EEF1AKMT2: variants seen among roughly 807,000 people sequenced by gnomAD.
The protein encoded by EEF1AKMT2 is EEF1A lysine methyltransferase 2.
Under a neutral mutation model 35.8 loss-of-function variants are expected in EEF1AKMT2, and 32 were observed. The observed-to-expected ratio is 0.89, with a 90% confidence interval of 0.67 to 1.20. The LOEUF (loss-of-function observed/expected upper bound fraction) is 1.20. Among genes scored for constraint, EEF1AKMT2 ranks in the 50% most tolerant of loss-of-function variants. The probability of loss-of-function intolerance (pLI) is 0.00; values close to 1 mark genes in which losing one functional copy is unlikely to be tolerated. For synonymous variants in EEF1AKMT2, 121 were observed against 133.7 expected, an observed-to-expected ratio of 0.91 and a Z score of 0.65; for missense variants, 330 against 347.5, an observed-to-expected ratio of 0.95 and a Z score of 0.40.
Position 124,791,718 on chromosome 10 carries a change from A to G in EEF1AKMT2, c.110+6T>C, listed in dbSNP as rs377726832. 6.3e-7 allele frequency: 1 copy of G among 1,578,154 alleles called. No individual in the cohort carries two copies. Among genetic ancestry groups the G allele is most frequent in the Non-Finnish European group, 8.6e-7 (1 of 1,166,844 alleles). On this transcript the variant is annotated splice_donor_region_variant and intron_variant, in intron 1 of 6. Coordinates refer to ENST00000368836, the MANE Select transcript of EEF1AKMT2 (RefSeq NM_212554.4). ...CTCATCCTCCCCTGCCCAGCGTCAC[A>G]CTCACTGCTCGCGGGTCCCCAGCGC...
intron 4 of EEF1AKMT2, among the ~76,000 whole-genome samples, chr10:124,766,677 G>A (rs1950381001): frequency 6.6e-6 from 1 of 152,150 alleles, no homozygotes; most frequent in South Asian, 2.1e-4. Context: ...TATATTGGAA[G>A]GTGGGTCTTC....
intron 4 of EEF1AKMT2, among the ~76,000 whole-genome samples, chr10:124,773,407 C>CTT (rs1276625373): frequency 6.6e-6 from 1 of 151,946 alleles, no homozygotes; most frequent in African/African-American, 2.4e-5. Flanking sequence ...ATTTTTTGTA[C>CTT]TTTTGGTGGA....
Position 124,783,433 on chromosome 10 carries a change from T to C in EEF1AKMT2, c.291+5610A>G, listed in dbSNP as rs550327104. Among the ~76,000 whole-genome samples, 50 of 152,246 alleles carry C rather than the reference T, an allele frequency of 3.3e-4. No homozygotes were observed. The South Asian group carries it at 9.7e-3, about 30-fold the overall frequency. On this transcript the variant is annotated intron_variant, in intron 3 of 6. Coordinates refer to ENST00000368836, the MANE Select transcript of EEF1AKMT2 (RefSeq NM_212554.4). ...TGCTAGGATTGCCGGCATAAGCCAC[T>C]GTGCCCAGCCAAGAATATGGAGAAA...
intron 5 of EEF1AKMT2, 29 bp from the exon 6 acceptor site, chr10:124,762,587 T>A (rs1481716740): frequency 9.2e-7 from 1 of 1,082,178 alleles, no homozygotes; most frequent in Non-Finnish European, 1.1e-6. Context: ...GACAGACCGT[T>A]TCAAAAACAG....
chr10:124,782,887 C>T lies in EEF1AKMT2; in HGVS notation c.291+6156G>A, dbSNP rs181127777. The T allele has an allele frequency of 3.0e-3, 994 of 330,946 alleles. 4 individuals are homozygous for T. The highest frequency in any genetic ancestry group is 5.2e-3 in the Non-Finnish European group (856 of 165,916). The allele number at this position is 330,946 out of a possible 1,614,324, so 20.5% of individuals were successfully genotyped here. On this transcript the variant is annotated intron_variant, in intron 3 of 6. Coordinates refer to ENST00000368836, the MANE Select transcript of EEF1AKMT2 (RefSeq NM_212554.4). ...CTAAATCCAAACGTATCAATAATCA[C>T]ATTGAACATAAATGTTCTAAATACA...
chr10:124,761,623 G>T (rs1158369370), intron 6 of EEF1AKMT2, among the ~76,000 whole-genome samples: 2 of 152,166 alleles, frequency 1.3e-5, no homozygotes, highest in Non-Finnish European at 2.9e-5. Flanking sequence ...CCTAGGTGAA[G>T]TCTCAGCTTC....
intron 4 of EEF1AKMT2, among the ~76,000 whole-genome samples, chr10:124,767,065 G>A (rs1165977243): frequency 6.6e-6 from 1 of 150,840 alleles, no homozygotes; most frequent in Admixed American, 6.6e-5. Context: ...GCAGGCTGAG[G>A]CAGGAGAATG....
rs1950315497 is a variant in EEF1AKMT2 at position 124,759,866 on chromosome 10, C to T, written c.*637G>A. The T allele has an allele frequency of 2.0e-5, 3 of 152,306 alleles. No homozygotes were observed. The highest frequency in any genetic ancestry group is 1.3e-4 in the Admixed American group (2 of 15,276). The allele number at this position is 152,306 out of a possible 1,614,324, so 9.4% of individuals were successfully genotyped here. A position where few individuals can be genotyped will look rare whatever the true frequency, so the allele number is the denominator to read the frequency against. On this transcript the variant is annotated 3_prime_UTR_variant, in exon 7 of 7. Coordinates refer to ENST00000368836, the MANE Select transcript of EEF1AKMT2 (RefSeq NM_212554.4). ...TAACTTGAGCAACTGATACATTTCT[C>T]TGATTTTGTTTAATTATATACATAA... is the stretch of plus-strand genomic sequence containing the variant.
rs767435732 is a variant in EEF1AKMT2 at position 124,791,760 on chromosome 10, T to C, written c.74A>G (p.Asp25Gly). The change falls in exon 1 of 7, where the codon GAC (aspartate) becomes GGC (glycine). Residue 25 changes from aspartate (D) to glycine (G), a missense_variant. Asp to Gly is a moderately conservative substitution (Grantham distance 94). Transcript: ENST00000368836. ...ARSDKGSPGEDGFVPSALGTR... is the reference protein window; with the variant it reads ...ARSDKGSPGEGGFVPSALGTR... ...CCCCAGCGCCGACGGGACGAAACCG[T>C]CCTCCCCGGGACTGCCCTTGTCCGA... 5.6e-6 allele frequency: 9 copies of C among 1,594,944 alleles called. No homozygotes were observed. The highest frequency in any genetic ancestry group is 7.7e-6 in the Non-Finnish European group (9 of 1,174,988).
In EEF1AKMT2 at chr10:124,787,213, G is replaced by A. The variant is rs1438021588; in HGVS notation, c.291+1830C>T. On this transcript the variant is annotated intron_variant, in intron 3 of 6. Coordinates refer to ENST00000368836, the MANE Select transcript of EEF1AKMT2 (RefSeq NM_212554.4). Reference sequence around the variant, plus strand: ...TCCACCTGCCTTGGCCTCCCAAAGCGCTGGGATTACAGGCATGAGCCACAG... The same window carrying A: ...TCCACCTGCCTTGGCCTCCCAAAGCACTGGGATTACAGGCATGAGCCACAG... Among the ~76,000 whole-genome samples, 8 of 152,116 alleles carry A rather than the reference G, an allele frequency of 5.3e-5. No individual in the cohort carries two copies. In the South Asian group the frequency reaches 1.0e-3, roughly 20 times the overall value.
intron 3 of EEF1AKMT2, among the ~76,000 whole-genome samples, chr10:124,788,095 C>T (rs1006750066): frequency 2.6e-5 from 4 of 152,146 alleles, no homozygotes; most frequent in Non-Finnish European, 5.9e-5. Flanking sequence ...CTTTGTATTT[C>T]AATTTATCAA....
rs545301161 is a variant in EEF1AKMT2 at position 124,759,328 on chromosome 10, A to G, written c.*1175T>C. ...CACTACCCTTTCACAGAAGAATGAC[A>G]AAATTCTTAATAGAGGCAAGTCTTT... On this transcript the variant is annotated 3_prime_UTR_variant, in exon 7 of 7. Transcript: ENST00000368836. 2 of 152,318 alleles carry G rather than the reference A, an allele frequency of 1.3e-5. No homozygotes were observed. Among genetic ancestry groups the G allele is most frequent in the Admixed American group, 1.3e-4 (2 of 15,286 alleles). The allele number at this position is 152,318 out of a possible 1,614,324, so 9.4% of individuals were successfully genotyped here.
At chr10:124,760,559 AT>A in intron 6 of EEF1AKMT2, 56 bp from the exon 7 acceptor site, 1 of 1,307,000 alleles carries the variant, frequency 7.7e-7, no homozygotes, top group Non-Finnish European at 1.1e-6. Context: ...ACTTACATGT[AT>A]TTATATGCAT....
intron 3 of EEF1AKMT2, among the ~76,000 whole-genome samples, chr10:124,778,095 G>T (rs561564677): frequency 1.4e-4 from 22 of 152,096 alleles, no homozygotes; most frequent in African/African-American, 5.3e-4. Flanking sequence ...GGAGGCTGAG[G>T]CAGGAGAATC....
In EEF1AKMT2 at chr10:124,760,332, C is replaced by A; in HGVS notation, c.*171G>T. The A allele has an allele frequency of 1.0e-6, 1 of 954,134 alleles. No homozygotes were observed. Among genetic ancestry groups the A allele is most frequent in the South Asian group, 1.5e-5 (1 of 65,486 alleles). The allele number at this position is 954,134 out of a possible 1,614,324, so 59.1% of individuals were successfully genotyped here. ...TGTGTACTTACTAAGCATTTATTTG[C>A]ACAAGGATTTTCTGTGTCAGGTTAA... On this transcript the variant is annotated 3_prime_UTR_variant, in exon 7 of 7. Coordinates refer to ENST00000368836, the MANE Select transcript of EEF1AKMT2 (RefSeq NM_212554.4).
At chr10:124,766,592 C>A (rs1950379946) in intron 4 of EEF1AKMT2, among the ~76,000 whole-genome samples, 1 of 152,160 alleles carries the variant, frequency 6.6e-6, no homozygotes, top group Non-Finnish European at 1.5e-5. Flanking sequence ...TATTCACACA[C>A]ATTTAATACA....
At chr10:124,757,577 T>C (rs2134115500), downstream of EEF1AKMT2, among the ~76,000 whole-genome samples, 1 of 152,298 alleles carries the variant, frequency 6.6e-6, no homozygotes, top group African/African-American at 2.4e-5. Context: ...TCTATTATAC[T>C]CTGGATAAAT....
At chr10:124,788,309 T>G (rs1950604657) in intron 3 of EEF1AKMT2, among the ~76,000 whole-genome samples, 1 of 152,130 alleles carries the variant, frequency 6.6e-6, no homozygotes, top group Non-Finnish European at 1.5e-5. Context: ...TTTTCTATAT[T>G]CAGTGTATTA....
intron 4 of EEF1AKMT2, chr10:124,766,150 T>G (rs987221853): frequency 4.6e-5 from 7 of 152,926 alleles, no homozygotes; most frequent in African/African-American, 1.7e-4. Context: ...ATATTCCTAG[T>G]GTGTAACCTA....
Sources: gnomAD v4.1 joint callset for allele counts (sites outside exome capture counted in the v4.1 genomes callset) on GRCh38, gnomAD v4.1.1 for gene constraint, MANE v1.5 for transcripts, NCBI Gene and HGNC (gene_info 2026-07-23, HGNC 2026-07-21) for gene names.